CDK19: variants seen among roughly 807,000 people sequenced by gnomAD.
CDK19 encodes cyclin-dependent kinase 19.
CDK19 carries 20 observed loss-of-function variants against 68.3 expected under a neutral mutation model. The observed-to-expected ratio is 0.29, with a 90% CI of 0.21 to 0.43. The LOEUF (loss-of-function observed/expected upper bound fraction) is 0.43, where lower values mean the gene tolerates loss of function less well. CDK19 is among the 20% of genes least tolerant of loss of function. The pLI is 1.00. For synonymous variants in CDK19, 221 were observed against 222.8 expected, an observed-to-expected ratio of 0.99 and a Z score of 0.07; for missense variants, 339 against 623.5, an observed-to-expected ratio of 0.54 and a Z score of 4.86.
At chr6:110,639,593 G>A (rs1436332114) in intron 4 of CDK19, among the ~76,000 whole-genome samples, 1 of 152,202 alleles carries the variant, frequency 6.6e-6, no homozygotes, top group Non-Finnish European at 1.5e-5. Context: ...TATAATATTA[G>A]AAGCTAGTGC....
intron 2 of CDK19, among the ~76,000 whole-genome samples, chr6:110,672,588 A>G (rs1023776869): frequency 2.6e-5 from 4 of 152,228 alleles, no homozygotes; most frequent in African/African-American, 9.6e-5. Context: ...TGGAGGTAAC[A>G]ACTTTTATTA....
intron 4 of CDK19, chr6:110,646,373 C>T: frequency 1.4e-6 from 2 of 1,469,142 alleles, no homozygotes; most frequent in Middle Eastern, 2.2e-4. Flanking sequence ...TGGGCGACAG[C>T]GCCAACGACT....
At position 110,670,802 on chromosome 6, in the gene CDK19, C is replaced by A. The variant is rs769318080; in HGVS notation, c.205-261G>T. 5 of 562,020 alleles carry A rather than the reference C, an allele frequency of 8.9e-6. No homozygotes were observed. The African/African-American group carries it at 9.3e-5, about 10-fold the overall frequency. 34.8% of individuals were successfully genotyped at this position (562,020 alleles called of 1,614,324 possible). A position where few individuals can be genotyped will look rare whatever the true frequency, so the allele number is the denominator to read the frequency against. On this transcript the variant is annotated intron_variant, in intron 2 of 12. Transcript: ENST00000368911. ...TTACTTTCTTTCTTGTCAGAGACTG[C>A]AAGCAGGAATGTGTTTTTAAAAATA...
intron 2 of CDK19, among the ~76,000 whole-genome samples, chr6:110,712,235 T>C (rs1261176700): frequency 6.6e-6 from 1 of 152,246 alleles, no homozygotes; most frequent in African/African-American, 2.4e-5. Flanking sequence ...TAAGGTGTTA[T>C]GGGCCTCCAA....
chr6:110,634,364 G>A (rs1046409487), intron 5 of CDK19, among the ~76,000 whole-genome samples: 8 of 151,922 alleles, frequency 5.3e-5, no homozygotes, highest in South Asian at 2.1e-4. Flanking sequence ...TTACAGGTGC[G>A]CCACCACCAT....
At chr6:110,722,866 CA>C (rs879415966) in intron 2 of CDK19, among the ~76,000 whole-genome samples, 21 of 142,332 alleles carry the variant, frequency 1.5e-4, no homozygotes, top group Admixed American at 2.1e-4. Flanking sequence ...GACCCTATCT[CA>C]AAAAAAAAAG....
chr6:110,746,514 G>A (rs1186406629), intron 1 of CDK19, among the ~76,000 whole-genome samples: 1 of 152,108 alleles, frequency 6.6e-6, no homozygotes, highest in Non-Finnish European at 1.5e-5. Context: ...CATATTGCAA[G>A]ATAATTCCAC....
chr6:110,764,189 T>C (rs556568608), intron 1 of CDK19, among the ~76,000 whole-genome samples: 55 of 152,338 alleles, frequency 3.6e-4, no homozygotes, highest in African/African-American at 1.3e-3. Context: ...TCTAACTTAA[T>C]CTATAGATAC....
At chr6:110,801,556 A>G (rs1782347345) in intron 1 of CDK19, among the ~76,000 whole-genome samples, 1 of 152,026 alleles carries the variant, frequency 6.6e-6, no homozygotes, top group African/African-American at 2.4e-5. Flanking sequence ...CTGTCGCCCA[A>G]GCTAGAGTGC....
intron 1 of CDK19, among the ~76,000 whole-genome samples, chr6:110,795,075 T>C (rs1490975593): frequency 1.3e-5 from 2 of 151,920 alleles, no homozygotes; most frequent in Non-Finnish European, 2.9e-5. Context: ...GGCTCAGGTG[T>C]TTCTCCCACC....
intron 4 of CDK19, among the ~76,000 whole-genome samples, chr6:110,642,592 T>C (rs1780276744): frequency 6.6e-6 from 1 of 152,168 alleles, no homozygotes; most frequent in Non-Finnish European, 1.5e-5. Flanking sequence ...CAAGAGATTG[T>C]CAAATCTGCT....
intron 1 of CDK19, among the ~76,000 whole-genome samples, chr6:110,797,080 A>G (rs2115094092): frequency 6.7e-6 from 1 of 149,618 alleles, no homozygotes; most frequent in East Asian, 2.0e-4. Flanking sequence ...GGTGGCTCAC[A>G]CCTGTAATCT....
chr6:110,805,988 A>C (rs1036286057), intron 1 of CDK19, among the ~76,000 whole-genome samples: 3 of 151,704 alleles, frequency 2.0e-5, no homozygotes, highest in African/African-American at 7.3e-5. Flanking sequence ...AAAAAAAAAA[A>C]AAGTAAGTAA....
intron 4 of CDK19, among the ~76,000 whole-genome samples, chr6:110,659,839 T>C (rs977375156): frequency 1.3e-5 from 2 of 152,208 alleles, no homozygotes; most frequent in African/African-American, 4.8e-5. Context: ...ATAACTATTT[T>C]TTAGCTCTTT....
rs553023526 is a variant in CDK19, at chr6:110,696,536, T to C, written c.205-25995A>G. ...GAGAAAGAAAGAAAGGGCATCCACA[T>C]TGGTAAAAAGGAGGTCAAAGTGTCG... On this transcript the variant is annotated intron_variant, in intron 2 of 12. Coordinates refer to ENST00000368911, the MANE Select transcript of CDK19 (RefSeq NM_015076.5). Among the ~76,000 whole-genome samples, 5 of 152,284 alleles carry C rather than the reference T, an allele frequency of 3.3e-5. No individual in the cohort carries two copies. In the East Asian group the frequency reaches 5.8e-4, roughly 18 times the overall value.
intron 1 of CDK19, among the ~76,000 whole-genome samples, chr6:110,765,970 G>A (rs1379551116): frequency 6.6e-6 from 1 of 152,116 alleles, no homozygotes; most frequent in African/African-American, 2.4e-5. Context: ...AGGAGGCAGA[G>A]AAAGGGGAAC....
intron 1 of CDK19, among the ~76,000 whole-genome samples, chr6:110,753,171 C>G (rs866789286): frequency 1.3e-5 from 2 of 152,124 alleles, no homozygotes; most frequent in African/African-American, 4.8e-5. Context: ...CTCAAGCAAT[C>G]CGCCCACCTT....
At chr6:110,718,186 T>A (rs968495564) in intron 2 of CDK19, among the ~76,000 whole-genome samples, 1 of 152,138 alleles carries the variant, frequency 6.6e-6, no homozygotes, top group African/African-American at 2.4e-5. Context: ...CCAAATGGAC[T>A]AAGACACCAG....
Position 110,646,350 on chromosome 6 carries a change from T to G in CDK19, c.457-7644A>C. 8 of 1,464,792 alleles carry G rather than the reference T, an allele frequency of 5.5e-6. 1 individual carries two copies. In the South Asian group the frequency reaches 1.1e-4, roughly 20 times the overall value. 90.7% of individuals were successfully genotyped at this position (1,464,792 alleles called of 1,614,324 possible). A position where few individuals can be genotyped will look rare whatever the true frequency, so the allele number is the denominator to read the frequency against. On this transcript the variant is annotated intron_variant, in intron 4 of 12. Coordinates refer to ENST00000368911, the MANE Select transcript of CDK19 (RefSeq NM_015076.5). ...GGCCCACGACGGCATGCACTTCGAGTGCCTCTTCCATGTGGGCGACAGCGC... is the reference window on the plus strand; with the variant it reads ...GGCCCACGACGGCATGCACTTCGAGGGCCTCTTCCATGTGGGCGACAGCGC...
Sources: gnomAD v4.1 joint callset for allele counts (sites outside exome capture counted in the v4.1 genomes callset) on GRCh38, gnomAD v4.1.1 for gene constraint, MANE v1.5 for transcripts, NCBI Gene and HGNC (gene_info 2026-07-23, HGNC 2026-07-21) for gene names.